Variants in THSD1 observed in about 807,000 individuals in gnomAD.
THSD1 encodes thrombospondin type-1 domain-containing protein 1.
THSD1 carries 34 observed loss-of-function variants against 46.3 expected under a neutral mutation model. The ratio of observed to expected loss-of-function variants is 0.74; its 90% CI spans 0.56 to 0.98. The LOEUF (loss-of-function observed/expected upper bound fraction) is 0.98. Ranked by LOEUF, THSD1 falls within the 50% of genes least tolerant of loss-of-function variation. The probability of loss-of-function intolerance (pLI) is 0.00; values close to 1 mark genes in which losing one functional copy is unlikely to be tolerated. For synonymous variants in THSD1, 407 were observed against 416.5 expected (o/e 0.98, Z 0.28); for missense variants, 1,023 against 1,058.3 (o/e 0.97, Z 0.46).
intron 1 of THSD1, among the ~76,000 whole-genome samples, chr13:52,405,434 A>T (rs1957899290): frequency 1.3e-5 from 2 of 152,216 alleles, no homozygotes; most frequent in Admixed American, 1.3e-4. Context: ...ATATACCAAT[A>T]GTATTTATTG....
chr13:52,388,086 T>A (rs1957746857), intron 3 of THSD1, among the ~76,000 whole-genome samples: 5 of 151,192 alleles, frequency 3.3e-5, no homozygotes, highest in Admixed American at 3.3e-4. Context: ...AGAATGACAA[T>A]AAGAATTACA....
At chr13:52,382,822 G>A (rs906543017) in intron 4 of THSD1, among the ~76,000 whole-genome samples, 1 of 152,078 alleles carries the variant, frequency 6.6e-6, no homozygotes, top group Non-Finnish European at 1.5e-5. Context: ...CCAACATGGT[G>A]AAGCCTCGTC....
chr13:52,385,188 T>C (rs1460558969), intron 4 of THSD1, among the ~76,000 whole-genome samples: 1 of 152,252 alleles, frequency 6.6e-6, no homozygotes, highest in Admixed American at 6.5e-5. Flanking sequence ...TAACCTGGAA[T>C]TGGAGAGTAC....
At chr13:52,396,458 C>T (rs1377385588) in intron 3 of THSD1, among the ~76,000 whole-genome samples, 1 of 152,036 alleles carries the variant, frequency 6.6e-6, no homozygotes, top group East Asian at 1.9e-4. Context: ...GGAGGCAGAG[C>T]TTGCAGTGAG....
rs1428618544 is a variant in THSD1, at chr13:52,378,858, CTTTT to C, written c.1181-73_1181-70del. The stretch of plus-strand genomic sequence containing the variant: ...AGGAACAGATGTATTTTTACTTTTT[CTTTT>C]CTTTTTTTTTTTTTTTTTGAGATGG... On this transcript the variant is annotated intron_variant, in intron 4 of 4. Coordinates refer to ENST00000258613, the MANE Select transcript of THSD1 (RefSeq NM_018676.4). 3.8e-6 allele frequency: 5 copies of C among 1,328,218 alleles called. No individual in the cohort carries two copies. The African/African-American group carries it at 7.6e-5, about 20-fold the overall frequency. The allele number at this position is 1,328,218 out of a possible 1,614,324, so 82.3% of individuals were successfully genotyped here. A position where few individuals can be genotyped will look rare whatever the true frequency, so the allele number is the denominator to read the frequency against.
At chr13:52,380,603 C>T (rs546267885) in intron 4 of THSD1, among the ~76,000 whole-genome samples, 108 of 151,870 alleles carry the variant, frequency 7.1e-4, no homozygotes, top group African/African-American at 2.5e-3. Flanking sequence ...CCCACCACCA[C>T]GCCTCACTAA....
chr13:52,387,280 G>T (rs1334688445), intron 3 of THSD1, among the ~76,000 whole-genome samples: 1 of 152,022 alleles, frequency 6.6e-6, no homozygotes, highest in African/African-American at 2.4e-5. Context: ...CCATAACAAT[G>T]GTAAAAACCC....
chr13:52,398,464 A>G, intron 2 of THSD1: 2 of 867,348 alleles, frequency 2.3e-6, no homozygotes, highest in Non-Finnish European at 2.8e-6. Flanking sequence ...CTGGTTTCAA[A>G]CTCTTGGGCT....
intron 3 of THSD1, among the ~76,000 whole-genome samples, chr13:52,394,088 G>C (rs1594101917): frequency 6.6e-6 from 1 of 152,050 alleles, no homozygotes; most frequent in Admixed American, 6.6e-5. Flanking sequence ...AACCACTCCC[G>C]TTCTGCCCTT....
intron 4 of THSD1, chr13:52,384,264 C>A: frequency 5.8e-6 from 2 of 342,732 alleles, no homozygotes; most frequent in Non-Finnish European, 1.2e-5. Context: ...TTGTTAATTC[C>A]AGGTTGTTGA....
At chr13:52,379,595 C>G (rs558156520) in intron 4 of THSD1, among the ~76,000 whole-genome samples, 1 of 152,270 alleles carries the variant, frequency 6.6e-6, no homozygotes, top group African/African-American at 2.4e-5. Context: ...CCGCCTCAGC[C>G]TCCTGAGTAG....
chr13:52,386,176 T>C lies in THSD1; in HGVS notation c.1032A>G (p.Gly344=). 6.2e-7 allele frequency: 1 copy of C among 1,614,014 alleles called. No individual in the cohort carries two copies. Among genetic ancestry groups the C allele is most frequent in the African/African-American group, 1.3e-5 (1 of 75,038 alleles). ...MLIQRNTETW[G]LWQPWSQCSA... Reference sequence around the variant, plus strand: ...TACACTGGCTCCATGGCTGCCACAGTCCCCAAGTTTCTGCAAGGATATAAG... The same window carrying C: ...TACACTGGCTCCATGGCTGCCACAGCCCCCAAGTTTCTGCAAGGATATAAG... Residue 344 remains glycine, a synonymous_variant, in exon 4 of 5, where the codon GGA becomes GGG. Coordinates refer to ENST00000258613, the MANE Select transcript of THSD1 (RefSeq NM_018676.4).
In THSD1 at chr13:52,377,773, G is replaced by A; in HGVS notation, c.2197C>T (p.Gln733Ter). ...CCAAGGTCTGGTTTCCTCAAGGGCT[G>A]CCCCAAAGTGTAGGATTTAGGGAGA... is the stretch of plus-strand genomic sequence containing the variant. Reference protein sequence around the residue: ...NPLPKSYTLGQPLRKPDLGDH... With the variant: ...NPLPKSYTLG Residue 733 changes from glutamine to a stop codon, truncating the protein, a stop_gained, in exon 5 of 5, where the codon CAG becomes TAG. Coordinates refer to ENST00000258613, the MANE Select transcript of THSD1 (RefSeq NM_018676.4). LOFTEE classifies it high-confidence loss of function. The A allele has an allele frequency of 6.2e-7, 1 of 1,614,170 alleles. No homozygotes were observed. The highest frequency in any genetic ancestry group is 1.1e-5 in the South Asian group (1 of 91,074).
chr13:52,401,344 G>T (rs1957858826), intron 2 of THSD1, among the ~76,000 whole-genome samples: 1 of 151,250 alleles, frequency 6.6e-6, no homozygotes, highest in African/African-American at 2.4e-5. Flanking sequence ...CTGTCACCCA[G>T]GCTAGAGTGC....
rs773953120 is a variant in THSD1, at chr13:52,377,660, G to A, written c.2310C>T (p.Val770=). ...RRGPSPSHKS[V]SRKQSSPISP... The stretch of plus-strand genomic sequence containing the variant: ...ATATGGGAGAAGACTGCTTCCTTGA[G>A]ACACTCTTGTGACTGGGGGACGGTC... Residue 770 remains valine (V), a synonymous_variant, in exon 5 of 5, where the codon GTC becomes GTT. Coordinates refer to ENST00000258613, the MANE Select transcript of THSD1 (RefSeq NM_018676.4). 212 of 1,610,208 alleles carry A rather than the reference G, an allele frequency of 1.3e-4. No homozygotes were observed. In the Middle Eastern group the frequency reaches 2.1e-3, roughly 16 times the overall value.
Position 52,378,922 on chromosome 13 carries a change from G to A in THSD1, c.1181-133C>T. ...CTGTTGCCCAGGCTGGAGTGCAATG[G>A]TGTGATCTCGGCTCATTGCAACCTC... On this transcript the variant is annotated intron_variant, in intron 4 of 4. Transcript: ENST00000258613. 2.9e-6 allele frequency: 3 copies of A among 1,028,370 alleles called. No homozygotes were observed. The South Asian group carries it at 5.3e-5, about 18-fold the overall frequency. The allele number at this position is 1,028,370 out of a possible 1,614,324, so 63.7% of individuals were successfully genotyped here.
In THSD1 at chr13:52,378,000, T is replaced by C. The variant is rs779651974; in HGVS notation, c.1970A>G (p.His657Arg). ...GAACGGCCGGGCCTGCCTGGCTTCA[T>C]GGAAACTCGCTGTCCTCCTGAAATG... The part of the protein sequence containing the change: ...NAHFRRTASF[H>R]EARQARPFRE... The change falls in exon 5 of 5, where the codon CAT (histidine) becomes CGT (arginine). Residue 657 changes from histidine (H) to arginine (R), a missense_variant. Transcript: ENST00000258613. 1 of 1,614,182 alleles carries C rather than the reference T, an allele frequency of 6.2e-7. No homozygotes were observed. Among genetic ancestry groups the C allele is most frequent in the Non-Finnish European group, 8.5e-7 (1 of 1,180,042 alleles).
chr13:52,380,548 G>A (rs1352280955), intron 4 of THSD1, among the ~76,000 whole-genome samples: 2 of 145,140 alleles, frequency 1.4e-5, no homozygotes, highest in African/African-American at 5.1e-5. Context: ...CTGGGTTCAC[G>A]CCATTCTCCT....
chr13:52,396,965 A>G (rs1351492608), intron 3 of THSD1, among the ~76,000 whole-genome samples: 5 of 152,114 alleles, frequency 3.3e-5, no homozygotes, highest in African/African-American at 1.2e-4. Flanking sequence ...AGAGTGTTAC[A>G]TGTTGATTTC....
Sources: gnomAD v4.1 joint callset for allele counts (sites outside exome capture counted in the v4.1 genomes callset) on GRCh38, gnomAD v4.1.1 for gene constraint, MANE v1.5 for transcripts, NCBI Gene and HGNC (gene_info 2026-07-23, HGNC 2026-07-21) for gene names.